The following PRKAR1A variants were observed in gnomAD, a reference collection of about 807,000 sequenced individuals.
The protein encoded by PRKAR1A is protein kinase cAMP-dependent type I regulatory subunit alpha.
PRKAR1A carries 3 observed loss-of-function variants against 52.0 expected under a neutral mutation model. That is an observed-to-expected ratio of 0.06 (90% CI 0.03 to 0.15). The LOEUF (loss-of-function observed/expected upper bound fraction) is 0.15. PRKAR1A is among the 10% of genes least tolerant of loss of function. The probability of loss-of-function intolerance (pLI) is 1.00; values close to 1 mark genes in which losing one functional copy is unlikely to be tolerated. For missense variants in PRKAR1A, 240 were observed against 477.4 expected (o/e 0.50, Z 4.63); for synonymous variants, 188 against 168.4 (o/e 1.12, Z -0.90).
At chr17:68,467,356 T>G in the PRKAR1A span, among the ~76,000 whole-genome samples, 1 of 152,224 alleles carries the variant, frequency 6.6e-6, no homozygotes, top group Non-Finnish European at 1.5e-5. Flanking sequence ...TCATAGCAGC[T>G]GAACCATTTT....
the PRKAR1A span, among the ~76,000 whole-genome samples, chr17:68,476,851 T>C: frequency 6.6e-6 from 1 of 152,026 alleles, no homozygotes; most frequent in South Asian, 2.1e-4. Context: ...TTAGTAGGGA[T>C]GGGGTTTCAC....
intron 11 of PRKAR1A, chr17:68,540,743 A>T: frequency 7.3e-7 from 1 of 1,370,052 alleles, no homozygotes; most frequent in Non-Finnish European, 1.0e-6. Context: ...GTGCAGAGTT[A>T]CTCAGTCCTC....
chr17:68,457,433 CCCGGGAAGCCG>C, the PRKAR1A span: 4 of 416,858 alleles, frequency 9.6e-6, no homozygotes, highest in South Asian at 2.0e-4. Flanking sequence ...GGGGGCTCGG[CCCGGGAAGCCG>C]CAGCTCGGAG....
the PRKAR1A span, among the ~76,000 whole-genome samples, chr17:68,457,048 C>T: frequency 1.3e-5 from 2 of 152,238 alleles, no homozygotes; most frequent in Admixed American, 1.3e-4. Context: ...CCCTGCTCCC[C>T]CCATATTCCG....
At position 68,527,915 on chromosome 17, in the gene PRKAR1A, G is replaced by GT; in HGVS notation, c.769+16dup. The stretch of plus-strand genomic sequence containing the variant: ...CTCTATTTTAGGTGAGTTGTAAAGT[G>GT]TGTTAACTTTGCTAGTATGTGAGAT... On this transcript the variant is annotated intron_variant, in intron 8 of 10. Coordinates refer to ENST00000589228, the MANE Select transcript of PRKAR1A (RefSeq NM_002734.5). 1.3e-6 allele frequency: 2 copies of GT among 1,598,172 alleles called. No individual in the cohort carries two copies. The highest frequency in any genetic ancestry group is 1.7e-6 in the Non-Finnish European group (2 of 1,165,780).
the PRKAR1A span, among the ~76,000 whole-genome samples, chr17:68,489,243 A>ATATATATATATATGGAAAG: frequency 4.8e-5 from 2 of 41,560 alleles, no homozygotes; most frequent in Non-Finnish European, 8.1e-5. Context: ...AAGTATATAT[A>ATATATATATATATGGAAAG]TATATATATA....
At chr17:68,537,604 C>G (rs777416324), downstream of PRKAR1A, 1 of 1,613,574 alleles carries the variant, frequency 6.2e-7, no homozygotes, top group Non-Finnish European at 8.5e-7. The surrounding 1 kb of genome is among the most constrained non-coding windows in gnomAD (Gnocchi z 4.2). Flanking sequence ...TTGGAGCCTT[C>G]GATCCAGGGC....
the PRKAR1A span, among the ~76,000 whole-genome samples, chr17:68,431,846 C>G: frequency 2.6e-5 from 4 of 152,264 alleles, no homozygotes; most frequent in African/African-American, 7.2e-5. Context: ...AACGGGAGAG[C>G]CTGGAGTGGA....
the PRKAR1A span, chr17:68,430,174 C>T: frequency 6.2e-7 from 1 of 1,606,570 alleles, no homozygotes; most frequent in Non-Finnish European, 8.5e-7. Flanking sequence ...GGGAGTAATG[C>T]ACAGGCAACG....
upstream of PRKAR1A, among the ~76,000 whole-genome samples, chr17:68,508,759 G>A (rs537353589): frequency 6.6e-6 from 1 of 152,328 alleles, no homozygotes; most frequent in South Asian, 2.1e-4. Flanking sequence ...TTTAGTGTTA[G>A]ATCCAAGTTT....
At chr17:68,470,782 T>C in the PRKAR1A span, among the ~76,000 whole-genome samples, 1 of 152,202 alleles carries the variant, frequency 6.6e-6, no homozygotes, top group African/African-American at 2.4e-5. Context: ...TATTATTATA[T>C]CAACATTTCC....
the PRKAR1A span, among the ~76,000 whole-genome samples, chr17:68,429,141 C>T: frequency 2.1e-4 from 32 of 152,282 alleles, 1 homozygote; most frequent in East Asian, 3.1e-3. Flanking sequence ...TGTCTTTGAA[C>T]GTGACAGTGT....
the PRKAR1A span, among the ~76,000 whole-genome samples, chr17:68,477,964 C>T: frequency 2.0e-5 from 3 of 152,126 alleles, no homozygotes; most frequent in Non-Finnish European, 4.4e-5. Flanking sequence ...CTCAGGTGAT[C>T]CGCCTGCCTC....
At chr17:68,435,084 G>C in the PRKAR1A span, among the ~76,000 whole-genome samples, 1 of 152,044 alleles carries the variant, frequency 6.6e-6, no homozygotes, top group Non-Finnish European at 1.5e-5. Flanking sequence ...GCATGTGCCT[G>C]TAATCTCAGC....
chr17:68,445,046 G>A, the PRKAR1A span, among the ~76,000 whole-genome samples: 1,297 of 151,064 alleles, frequency 8.6e-3, 29 homozygotes, highest in Admixed American at 0.049. Flanking sequence ...TCAGCCTCCT[G>A]AGTAGCTGGG....
the PRKAR1A span, among the ~76,000 whole-genome samples, chr17:68,468,726 AC>A: frequency 2.0e-5 from 3 of 152,202 alleles, no homozygotes; most frequent in Non-Finnish European, 4.4e-5. Flanking sequence ...TAAAGAGGGT[AC>A]AGATTGGACC....
At chr17:68,476,766 G>A in the PRKAR1A span, among the ~76,000 whole-genome samples, 4 of 151,880 alleles carry the variant, frequency 2.6e-5, no homozygotes, top group South Asian at 4.2e-4. Flanking sequence ...GGGTTCAAGC[G>A]ATTCTCCTGC....
chr17:68,515,876 A>T, intron 2 of PRKAR1A: 1 of 391,634 alleles, frequency 2.6e-6, no homozygotes, highest in South Asian at 2.4e-5. Flanking sequence ...AAAACTGATC[A>T]GAACTAGTAT....
chr17:68,518,342 G>A (rs1385231778), intron 2 of PRKAR1A, among the ~76,000 whole-genome samples: 2 of 152,214 alleles, frequency 1.3e-5, no homozygotes, highest in East Asian at 3.8e-4. Context: ...TCTCCAGGAG[G>A]GCCACGCCCC....
Sources: gnomAD v4.1 joint callset for allele counts (sites outside exome capture counted in the v4.1 genomes callset) on GRCh38, gnomAD v4.1.1 for gene constraint, Gnocchi (gnomAD v3.1) non-coding constraint, MANE v1.5 for transcripts, NCBI Gene and HGNC (gene_info 2026-07-23, HGNC 2026-07-21) for gene names.